Variants in LRP1B observed in about 807,000 individuals in gnomAD.
LRP1B encodes low-density lipoprotein receptor-related protein 1B.
In LRP1B, 217 loss-of-function variants were observed where a neutral mutation model predicts 556.6. The observed-to-expected ratio is 0.39, with a 90% CI of 0.35 to 0.44. The LOEUF (loss-of-function observed/expected upper bound fraction) is 0.44, where lower values mean the gene tolerates loss of function less well. LRP1B is among the 20% of genes least tolerant of loss of function. The pLI, the probability that LRP1B is intolerant of heterozygous loss-of-function variation, is 1.00. For synonymous variants in LRP1B, 2,047 were observed against 1,865.8 expected (o/e 1.10, Z -2.50); for missense variants, 5,053 against 5,620.8 (o/e 0.90, Z 3.23).
At chr2:141,064,742 G>T (rs1699433595) in intron 7 of LRP1B, among the ~76,000 whole-genome samples, 1 of 151,826 alleles carries the variant, frequency 6.6e-6, no homozygotes, top group African/African-American at 2.4e-5. Context: ...AAAATTTCCT[G>T]TTACAGAGAA....
chr2:141,063,001 G>A (rs1419142465), intron 7 of LRP1B, among the ~76,000 whole-genome samples: 2 of 151,722 alleles, frequency 1.3e-5, no homozygotes, highest in Non-Finnish European at 2.9e-5. Flanking sequence ...GTCTGTCAAA[G>A]TTTAAAATGT....
rs542747330 is a variant in LRP1B, at chr2:140,253,972, G to T, written c.13248-6810C>A. ...TGGTTTAAAAATACAAAGCCATGGG[G>T]GGAAATCTCAATGCTTAGTGCCATA... On this transcript the variant is annotated intron_variant, in intron 86 of 90. Transcript: ENST00000389484. Among the ~76,000 whole-genome samples, 7 of 152,144 alleles carry T rather than the reference G, an allele frequency of 4.6e-5. No homozygotes were observed. In the South Asian group the frequency reaches 6.2e-4, roughly 14 times the overall value.
chr2:141,688,603 G>A (rs1691398326), intron 2 of LRP1B, among the ~76,000 whole-genome samples: 1 of 151,780 alleles, frequency 6.6e-6, no homozygotes, highest in South Asian at 2.1e-4. Flanking sequence ...AAGAAACTGA[G>A]GCCCAGAGAG....
intron 86 of LRP1B, among the ~76,000 whole-genome samples, chr2:140,252,827 G>C (rs1036969323): frequency 4.6e-5 from 7 of 152,032 alleles, no homozygotes; most frequent in African/African-American, 1.7e-4. Flanking sequence ...CCAAAATACT[G>C]TAGATGTATC....
chr2:141,027,960 A>G (rs1698262347), intron 11 of LRP1B, among the ~76,000 whole-genome samples: 2 of 152,124 alleles, frequency 1.3e-5, no homozygotes, highest in African/African-American at 2.4e-5. Flanking sequence ...TCTATGCTCC[A>G]GAATTGAGAG....
chr2:142,094,723 G>T (rs1009342218), intron 1 of LRP1B, among the ~76,000 whole-genome samples: 2 of 151,672 alleles, frequency 1.3e-5, no homozygotes, highest in African/African-American at 4.8e-5. Context: ...CTAGGTTTCA[G>T]TCTCTTCATC....
intron 1 of LRP1B, among the ~76,000 whole-genome samples, chr2:141,827,949 T>G (rs1574405489): frequency 6.6e-6 from 1 of 152,000 alleles, no homozygotes; most frequent in Middle Eastern, 3.4e-3. Context: ...AAATTCTACA[T>G]GAGGAATCCA....
At position 141,822,130 on chromosome 2, in the gene LRP1B, C is replaced by CAG. The variant is rs1553469382; in HGVS notation, c.83-11731_83-11730dup. ...ACACACACACACACACACACACACA[C>CAG]AGAGAGAGAGAGAGAGAGAGAGAGA... On this transcript the variant is annotated intron_variant, in intron 1 of 90. Coordinates refer to ENST00000389484, the MANE Select transcript of LRP1B (RefSeq NM_018557.3). Among the ~76,000 whole-genome samples the CAG allele has an allele frequency of 4.7e-3, 450 of 95,834 alleles. 3 individuals carry two copies. The highest frequency in any genetic ancestry group is 0.01 in the East Asian group (31 of 2,966). The allele number at this position is 95,834 out of a possible 152,430, so 62.9% of individuals were successfully genotyped here.
chr2:141,390,747 A>G (rs1309021286), intron 3 of LRP1B, among the ~76,000 whole-genome samples: 1 of 152,220 alleles, frequency 6.6e-6, no homozygotes, highest in Non-Finnish European at 1.5e-5. Flanking sequence ...GAGAGAGAGA[A>G]GGTGGACTGG....
rs866571491 is a variant in LRP1B, at chr2:141,221,309, C to A, written c.850+7874G>T. ...AAGATAAAAAAAAAAAAAAAAAAAA[C>A]CAAAGGGCATTACATAATGGGAAAG... On this transcript the variant is annotated intron_variant, in intron 6 of 90. Transcript: ENST00000389484. Among the ~76,000 whole-genome samples the A allele has an allele frequency of 5.8e-3, 724 of 124,148 alleles. 6 individuals are homozygous for A. Among genetic ancestry groups the A allele is most frequent in the African/African-American group, 0.02 (683 of 34,002 alleles). The allele number at this position is 124,148 out of a possible 152,430, so 81.4% of individuals were successfully genotyped here.
rs766803497 is a variant in LRP1B, at chr2:142,092,722, ACT to A, written c.82+37924_82+37925del. Among the ~76,000 whole-genome samples the A allele has an allele frequency of 1.4e-4, 21 of 152,026 alleles. No individual in the cohort carries two copies. The East Asian group carries it at 2.7e-3, about 20-fold the overall frequency. ...GGAAAATAATAGTTCAGTGAAAAAAACTCTGTGTATCCAGAGTTCTGTTTATA... is the reference window on the plus strand; with the variant it reads ...GGAAAATAATAGTTCAGTGAAAAAAACTGTGTATCCAGAGTTCTGTTTATA... On this transcript the variant is annotated intron_variant, in intron 1 of 90. Transcript: ENST00000389484.
intron 41 of LRP1B, among the ~76,000 whole-genome samples, chr2:140,672,482 T>TAAAAAAAAA (rs55884730): frequency 9.8e-5 from 8 of 81,578 alleles, no homozygotes; most frequent in African/African-American, 3.8e-4. Context: ...AGACTCCATC[T>TAAAAAAAAA]AAAAAAAAAA....
At chr2:140,333,835 G>A (rs1284185325) in intron 79 of LRP1B, among the ~76,000 whole-genome samples, 1 of 151,808 alleles carries the variant, frequency 6.6e-6, no homozygotes, top group East Asian at 1.9e-4. Flanking sequence ...TTCCAGATGG[G>A]GGAGCTGGGA....
At chr2:140,615,768 C>CCTTATACTAGGCTCTTCT (rs58884582) in intron 41 of LRP1B, among the ~76,000 whole-genome samples, 150,141 of 152,110 alleles carry the variant, frequency 0.99, 74,136 homozygotes, top group Middle Eastern at 1. Flanking sequence ...AACATGCCTT[C>CCTTATACTAGGCTCTTCT]CTCACCTCTT....
chr2:140,827,688 G>A (rs1207914846), intron 31 of LRP1B, among the ~76,000 whole-genome samples: 3 of 151,786 alleles, frequency 2.0e-5, no homozygotes, highest in Non-Finnish European at 4.4e-5. Context: ...AGAGCAAGGG[G>A]GTAGAAAACT....
At chr2:140,252,927 C>T (rs903574616) in intron 86 of LRP1B, among the ~76,000 whole-genome samples, 6 of 151,904 alleles carry the variant, frequency 3.9e-5, no homozygotes, top group Admixed American at 6.6e-5. Flanking sequence ...CAATTTTGAA[C>T]GTCTACAGCA....
chr2:141,345,021 G>A (rs1688194061), intron 3 of LRP1B, among the ~76,000 whole-genome samples: 1 of 152,164 alleles, frequency 6.6e-6, no homozygotes, highest in Non-Finnish European at 1.5e-5. Flanking sequence ...TGGGCCCAAT[G>A]TAATCACAAG....
chr2:141,594,061 G>A (rs1032186526), intron 2 of LRP1B, among the ~76,000 whole-genome samples: 1 of 151,976 alleles, frequency 6.6e-6, no homozygotes, highest in Non-Finnish European at 1.5e-5. Flanking sequence ...CCTTTGAGTG[G>A]TGTCTTTGCT....
At chr2:140,284,456 A>G (rs1452051483) in intron 84 of LRP1B, among the ~76,000 whole-genome samples, 1 of 151,654 alleles carries the variant, frequency 6.6e-6, no homozygotes, top group Non-Finnish European at 1.5e-5. Context: ...TCATGAGGAA[A>G]GTTATTGTCA....
Sources: allele counts gnomAD v4.1 joint callset (sites outside exome capture counted in the v4.1 genomes callset), GRCh38; gene constraint gnomAD v4.1.1; transcripts MANE v1.5; gene names NCBI Gene and HGNC (gene_info 2026-07-23, HGNC 2026-07-21).